The following LINGO2 variants were observed in gnomAD, a reference collection of about 807,000 sequenced individuals.
LINGO2 encodes the protein leucine rich repeat and Ig domain containing 2.
Under a neutral mutation model 30.6 loss-of-function variants are expected in LINGO2, and 14 were observed. The observed-to-expected ratio is 0.46, with a 90% CI of 0.30 to 0.72. The LOEUF is 0.72. Among genes scored for constraint, LINGO2 ranks in the 30% least tolerant of loss-of-function variants. The pLI, the probability that LINGO2 is intolerant of heterozygous loss-of-function variation, is 0.07. For synonymous variants in LINGO2, 317 were observed against 288.5 expected, an observed-to-expected ratio of 1.10 and a Z score of -1.00; for missense variants, 729 against 751.7, an observed-to-expected ratio of 0.97 and a Z score of 0.35.
chr9:27,975,461 T>G (rs1820550910), intron 5 of LINGO2, among the ~76,000 whole-genome samples: 2 of 152,084 alleles, frequency 1.3e-5, no homozygotes, highest in Non-Finnish European at 2.9e-5. Flanking sequence ...TGTAAATATT[T>G]TCTATCATGA....
At chr9:27,997,084 A>T (rs1164004841) in intron 5 of LINGO2, among the ~76,000 whole-genome samples, 1 of 152,184 alleles carries the variant, frequency 6.6e-6, no homozygotes, top group Admixed American at 6.5e-5. Flanking sequence ...ATTCAGCAAG[A>T]TTCCTTACAA....
intron 1 of LINGO2, among the ~76,000 whole-genome samples, chr9:28,509,315 T>A (rs1820276378): frequency 6.6e-6 from 1 of 152,192 alleles, no homozygotes; most frequent in African/African-American, 2.4e-5. Context: ...ATATTCAGCC[T>A]TTCTACTACA....
At chr9:28,940,645 ATTAAAACT>A in the LINGO2 span, among the ~76,000 whole-genome samples, 1 of 152,200 alleles carries the variant, frequency 6.6e-6, no homozygotes, top group Non-Finnish European at 1.5e-5. Flanking sequence ...TATAACAAAC[ATTAAAACT>A]TTGTATGTGC....
At chr9:29,019,771 T>C in the LINGO2 span, among the ~76,000 whole-genome samples, 3,323 of 152,290 alleles carry the variant, frequency 0.022, 116 homozygotes, top group African/African-American at 0.074. Context: ...ATTTTTTTTT[T>C]GTAAATGGCA....
chr9:28,724,332 G>T, the LINGO2 span, among the ~76,000 whole-genome samples: 1 of 152,130 alleles, frequency 6.6e-6, no homozygotes, highest in Admixed American at 6.6e-5. Flanking sequence ...AGACTCAGAT[G>T]AATTACTTTT....
intron 4 of LINGO2, among the ~76,000 whole-genome samples, chr9:28,016,360 A>G (rs767140041): frequency 6.6e-6 from 1 of 152,170 alleles, no homozygotes; most frequent in Non-Finnish European, 1.5e-5. Context: ...CATGAGCTAC[A>G]AACCCTTTTA....
chr9:28,237,116 G>GC (rs1491584336), intron 4 of LINGO2, among the ~76,000 whole-genome samples: 13 of 58,204 alleles, frequency 2.2e-4, no homozygotes, highest in African/African-American at 6.3e-4. Flanking sequence ...GTTAAACAGT[G>GC]CGGGGGGGGG....
At chr9:28,988,952 C>G in the LINGO2 span, among the ~76,000 whole-genome samples, 1 of 152,178 alleles carries the variant, frequency 6.6e-6, no homozygotes, top group Non-Finnish European at 1.5e-5. Context: ...ATTGAATTTT[C>G]TGTTGCAGGG....
intron 2 of LINGO2, among the ~76,000 whole-genome samples, chr9:28,374,286 A>C (rs1176528848): frequency 1.3e-5 from 2 of 151,020 alleles, no homozygotes; most frequent in South Asian, 4.2e-4. Context: ...TCAGACACTT[A>C]AAGTAACCTT....
intron 1 of LINGO2, among the ~76,000 whole-genome samples, chr9:28,498,963 C>G (rs1345006390): frequency 6.6e-6 from 1 of 151,972 alleles, no homozygotes; most frequent in Non-Finnish European, 1.5e-5. Context: ...ATATTTTACT[C>G]AAATACTTTT....
chr9:28,450,201 T>A (rs993490269), intron 2 of LINGO2, among the ~76,000 whole-genome samples: 1 of 152,020 alleles, frequency 6.6e-6, no homozygotes, highest in Non-Finnish European at 1.5e-5. Context: ...GTGGACCCCC[T>A]GTAACAGATT....
intron 4 of LINGO2, among the ~76,000 whole-genome samples, chr9:28,084,342 A>T (rs934165994): frequency 2.6e-5 from 4 of 152,090 alleles, no homozygotes; most frequent in South Asian, 2.1e-4. Flanking sequence ...GAGCTCTCAC[A>T]TGGTAATTTG....
At chr9:28,613,946 A>G (rs953924456) in intron 1 of LINGO2, among the ~76,000 whole-genome samples, 1 of 152,124 alleles carries the variant, frequency 6.6e-6, no homozygotes, top group African/African-American at 2.4e-5. Context: ...CGTTTTTCAT[A>G]TCAAAAATAT....
the LINGO2 span, among the ~76,000 whole-genome samples, chr9:28,712,137 C>T: frequency 8.6e-5 from 13 of 151,808 alleles, no homozygotes; most frequent in South Asian, 6.2e-4. Flanking sequence ...AGAATAATGC[C>T]GGTAGGAGAT....
the LINGO2 span, among the ~76,000 whole-genome samples, chr9:28,849,703 C>G: frequency 2.0e-5 from 3 of 152,036 alleles, no homozygotes. Context: ...ATATTCCTTC[C>G]TCTTCATCCC....
At chr9:28,907,402 A>G in the LINGO2 span, among the ~76,000 whole-genome samples, 5 of 151,840 alleles carry the variant, frequency 3.3e-5, no homozygotes, top group African/African-American at 1.2e-4. Context: ...AGGGTCTTTC[A>G]GTCTTAAAAA....
chr9:28,158,212 G>T (rs867691011), intron 4 of LINGO2, among the ~76,000 whole-genome samples: 2 of 152,160 alleles, frequency 1.3e-5, no homozygotes, highest in African/African-American at 4.8e-5. Flanking sequence ...GAGAGCTTGC[G>T]CAGGGAAATT....
At chr9:28,010,009 A>G (rs942030281) in intron 5 of LINGO2, among the ~76,000 whole-genome samples, 1 of 152,226 alleles carries the variant, frequency 6.6e-6, no homozygotes, top group Non-Finnish European at 1.5e-5. Flanking sequence ...AAAATGTGTT[A>G]TCCGTATCTA....
In LINGO2 at chr9:28,130,526, A is replaced by C. The variant is rs140263840; in HGVS notation, c.-86-118121T>G. ...TAATCTCTGTTAGAAATACCTGTAG[A>C]AATAGGACATTGCTCCTATGTCAAG... On this transcript the variant is annotated intron_variant, in intron 4 of 5. Transcript: ENST00000379992. This position sits in a 1 kb window ranked among gnomAD's most constrained non-coding sequence, Gnocchi z 5.2. 0.011 allele frequency among the ~76,000 whole-genome samples: 1,647 copies of C among 152,316 alleles called. 17 individuals carry two copies. Among genetic ancestry groups the C allele is most frequent in the Non-Finnish European group, 0.015 (1,019 of 68,020 alleles).
Sources: gnomAD v4.1 joint callset for allele counts (sites outside exome capture counted in the v4.1 genomes callset) on GRCh38, gnomAD v4.1.1 for gene constraint, Gnocchi (gnomAD v3.1) non-coding constraint, MANE v1.5 for transcripts, NCBI Gene and HGNC (gene_info 2026-07-23, HGNC 2026-07-21) for gene names.